Variants in NDUFAF2 observed in about 807,000 individuals in gnomAD.
NDUFAF2 encodes NADH dehydrogenase [ubiquinone] 1 alpha subcomplex assembly factor 2.
Under a neutral mutation model 22.8 loss-of-function variants are expected in NDUFAF2, and 13 were observed. That is an observed-to-expected ratio of 0.57 (90% CI 0.37 to 0.91). NDUFAF2 has a LOEUF of 0.91. Ranked by LOEUF, NDUFAF2 falls within the 40% of genes least tolerant of loss-of-function variation. The pLI is 0.01. For missense variants in NDUFAF2, 162 were observed against 195.2 expected (o/e 0.83, Z 1.01); for synonymous variants, 53 against 64.2 (o/e 0.83, Z 0.84).
chr5:61,060,973 T>G (rs1235233976), intron 1 of NDUFAF2, among the ~76,000 whole-genome samples: 3 of 152,096 alleles, frequency 2.0e-5, no homozygotes, highest in Admixed American at 6.6e-5. Context: ...AAAGGAATAG[T>G]GGCTCAGGAA....
intron 2 of NDUFAF2, among the ~76,000 whole-genome samples, chr5:61,090,856 T>A (rs534523442): frequency 2.6e-5 from 4 of 152,132 alleles, no homozygotes; most frequent in Non-Finnish European, 2.9e-5. Flanking sequence ...CACCCTCCAA[T>A]AGGCTTCAGT....
chr5:61,032,091 A>G (rs1399398239), intron 1 of NDUFAF2, among the ~76,000 whole-genome samples: 2 of 151,836 alleles, frequency 1.3e-5, no homozygotes, highest in Non-Finnish European at 2.9e-5. Context: ...TTTTCTTGTA[A>G]ATTTGTTTAA....
rs1040317374 is a variant in NDUFAF2, at chr5:61,152,559, A to G, written c.259-145A>G. On this transcript the variant is annotated intron_variant, in intron 3 of 3. Transcript: ENST00000296597. ...AATCATACAGCTTTTTCAAACTTAT[A>G]TACATATCTGTATATTATTTAAATG... is the stretch of plus-strand genomic sequence containing the variant. 4 of 537,030 alleles carry G rather than the reference A, an allele frequency of 7.4e-6. No individual in the cohort carries two copies. In the African/African-American group the frequency reaches 7.9e-5, roughly 11 times the overall value. The allele number at this position is 537,030 out of a possible 1,614,324, so 33.3% of individuals were successfully genotyped here.
At chr5:61,070,391 G>A (rs1053588337) in intron 1 of NDUFAF2, among the ~76,000 whole-genome samples, 2 of 152,018 alleles carry the variant, frequency 1.3e-5, no homozygotes, top group Non-Finnish European at 2.9e-5. Flanking sequence ...TCCAAAAAAA[G>A]GGAGTAGTTT....
At chr5:61,127,239 C>A (rs946792911) in intron 3 of NDUFAF2, among the ~76,000 whole-genome samples, 4 of 152,124 alleles carry the variant, frequency 2.6e-5, no homozygotes, top group Admixed American at 2.6e-4. Flanking sequence ...CCTTCTGAAA[C>A]TATTCCAATC....
intron 1 of NDUFAF2, among the ~76,000 whole-genome samples, chr5:61,012,414 A>G (rs73759456): frequency 0.017 from 2,586 of 152,244 alleles, 78 homozygotes; most frequent in African/African-American, 0.059. Context: ...CATAGCTATT[A>G]CCTAAATCAT....
At chr5:60,961,933 C>T (rs1750692137) in intron 1 of NDUFAF2, among the ~76,000 whole-genome samples, 1 of 151,374 alleles carries the variant, frequency 6.6e-6, no homozygotes, top group African/African-American at 2.4e-5. Context: ...TGCACTCCAG[C>T]CTGAGTGACA....
intron 3 of NDUFAF2, among the ~76,000 whole-genome samples, chr5:61,137,046 C>T (rs1459247230): frequency 2.6e-5 from 4 of 152,212 alleles, no homozygotes; most frequent in African/African-American, 9.6e-5. Context: ...ACTACTTTTA[C>T]CAATGCCGTT....
intron 3 of NDUFAF2, among the ~76,000 whole-genome samples, chr5:61,150,520 G>A (rs537069853): frequency 3.3e-5 from 5 of 152,262 alleles, no homozygotes; most frequent in East Asian, 3.9e-4. Flanking sequence ...GAGAAATTAT[G>A]TGAAGGCAGG....
intron 1 of NDUFAF2, among the ~76,000 whole-genome samples, chr5:61,058,142 C>T (rs1265453843): frequency 6.6e-6 from 1 of 152,072 alleles, no homozygotes; most frequent in Non-Finnish European, 1.5e-5. Flanking sequence ...GTCTAGAAGT[C>T]AATCACATAA....
rs149037198 is a variant in NDUFAF2 at position 61,019,653 on chromosome 5, T to A, written c.128-53472T>A. 4.3e-3 allele frequency among the ~76,000 whole-genome samples: 655 copies of A among 152,242 alleles called. 5 individuals are homozygous for A. The highest frequency in any genetic ancestry group is 0.015 in the African/African-American group (610 of 41,578). ...CTATAAAATACCCCGTAGTGCTGGA[T>A]AAAATATAAATTTTGTTTTTTTCAA... is the stretch of plus-strand genomic sequence containing the variant. On this transcript the variant is annotated intron_variant, in intron 1 of 3. Transcript: ENST00000296597.
chr5:61,035,904 T>C (rs1751794729), intron 1 of NDUFAF2, among the ~76,000 whole-genome samples: 2 of 152,186 alleles, frequency 1.3e-5, no homozygotes, highest in African/African-American at 4.8e-5. Context: ...TAAAAATCCG[T>C]CATACTATTT....
chr5:61,015,986 G>A (rs1460680278), intron 1 of NDUFAF2, among the ~76,000 whole-genome samples: 3 of 152,076 alleles, frequency 2.0e-5, no homozygotes, highest in African/African-American at 7.2e-5. Flanking sequence ...AAGAGATCGA[G>A]ACCATCCTGG....
intron 1 of NDUFAF2, among the ~76,000 whole-genome samples, chr5:61,028,076 C>G (rs549467113): frequency 6.6e-6 from 1 of 152,046 alleles, no homozygotes; most frequent in South Asian, 2.1e-4. Flanking sequence ...ATGTGCAAAA[C>G]TTACAGTGCC....
At chr5:60,969,009 T>A (rs1750794112) in intron 1 of NDUFAF2, among the ~76,000 whole-genome samples, 1 of 152,092 alleles carries the variant, frequency 6.6e-6, no homozygotes, top group African/African-American at 2.4e-5. Context: ...TAATGACCTC[T>A]GGGCCCATTC....
intron 3 of NDUFAF2, among the ~76,000 whole-genome samples, chr5:61,133,977 G>A (rs773869673): frequency 4.6e-5 from 7 of 152,092 alleles, no homozygotes; most frequent in Non-Finnish European, 1.0e-4. Flanking sequence ...TACGTAATTT[G>A]GCATAATTTA....
At chr5:61,099,638 A>G (rs1242880347) in intron 3 of NDUFAF2, among the ~76,000 whole-genome samples, 1 of 151,566 alleles carries the variant, frequency 6.6e-6, no homozygotes, top group African/African-American at 2.4e-5. Flanking sequence ...ATTTTTATAT[A>G]GATTATTTTA....
At chr5:61,109,974 G>A (rs2111782363) in intron 3 of NDUFAF2, among the ~76,000 whole-genome samples, 1 of 152,264 alleles carries the variant, frequency 6.6e-6, no homozygotes, top group South Asian at 2.1e-4. Flanking sequence ...CTTTTATTGT[G>A]TTGAGGTATG....
chr5:60,957,789 G>A (rs1003249708), intron 1 of NDUFAF2, among the ~76,000 whole-genome samples: 2 of 152,158 alleles, frequency 1.3e-5, no homozygotes, highest in East Asian at 3.9e-4. Flanking sequence ...GGTGAAAGTT[G>A]TAGTTGCCTG....
Sources: gnomAD v4.1 joint callset for allele counts (sites outside exome capture counted in the v4.1 genomes callset) on GRCh38, gnomAD v4.1.1 for gene constraint, MANE v1.5 for transcripts, NCBI Gene and HGNC (gene_info 2026-07-23, HGNC 2026-07-21) for gene names.